MIPEP: variants seen among roughly 807,000 people sequenced by gnomAD.
The protein encoded by MIPEP is mitochondrial intermediate peptidase.
Under a neutral mutation model 90.3 loss-of-function variants are expected in MIPEP, and 79 were observed. The observed-to-expected ratio is 0.87, with a 90% CI of 0.73 to 1.05. The LOEUF (loss-of-function observed/expected upper bound fraction) is 1.05, where lower values mean the gene tolerates loss of function less well. Among genes scored for constraint, MIPEP ranks in the 50% least tolerant of loss-of-function variants. The pLI is 0.00. For missense variants in MIPEP, 940 were observed against 905.6 expected (o/e 1.04, Z -0.49); for synonymous variants, 334 against 315.8 (o/e 1.06, Z -0.61).
intron 16 of MIPEP, among the ~76,000 whole-genome samples, chr13:23,795,746 T>C (rs1330477751): frequency 1.3e-5 from 2 of 151,754 alleles, no homozygotes; most frequent in Admixed American, 1.3e-4. Flanking sequence ...ACAAAAACAT[T>C]TGAGAAGCTG....
chr13:23,789,421 A>G (rs1952879120), intron 16 of MIPEP, among the ~76,000 whole-genome samples: 2 of 152,174 alleles, frequency 1.3e-5, no homozygotes, highest in South Asian at 4.1e-4. Context: ...AATTTACTTC[A>G]TGACAGTAAA....
intron 16 of MIPEP, among the ~76,000 whole-genome samples, chr13:23,761,469 G>C (rs75350792): frequency 2.5e-4 from 38 of 152,304 alleles, no homozygotes; most frequent in Middle Eastern, 3.4e-3. Flanking sequence ...CACAGAGAGA[G>C]AGCATCCATT....
intron 16 of MIPEP, 187 bp from the exon 17 acceptor site, chr13:23,760,404 G>A (rs1952529389): frequency 1.2e-6 from 1 of 802,974 alleles, no homozygotes; most frequent in Non-Finnish European, 2.2e-6. Flanking sequence ...GCTGAACTGT[G>A]TCTCCTGAAA....
At chr13:23,748,887 C>T (rs1952410410) in intron 18 of MIPEP, among the ~76,000 whole-genome samples, 1 of 152,186 alleles carries the variant, frequency 6.6e-6, no homozygotes, top group African/African-American at 2.4e-5. Context: ...TAAGGCTTAT[C>T]TTTCCCTTGA....
chr13:23,751,947 C>T (rs986330692), intron 18 of MIPEP, among the ~76,000 whole-genome samples: 1 of 151,348 alleles, frequency 6.6e-6, no homozygotes, highest in African/African-American at 2.4e-5. Context: ...ACTTGGAGAT[C>T]GTTAAGAGAA....
At chr13:23,862,776 A>G (rs1009952119) in intron 8 of MIPEP, among the ~76,000 whole-genome samples, 1 of 152,226 alleles carries the variant, frequency 6.6e-6, no homozygotes, top group Non-Finnish European at 1.5e-5. Flanking sequence ...CCCCTTTGGA[A>G]AAACTCTAGC....
intron 2 of MIPEP, among the ~76,000 whole-genome samples, chr13:23,883,419 C>T (rs1208770944): frequency 6.6e-6 from 1 of 152,142 alleles, no homozygotes; most frequent in East Asian, 1.9e-4. Context: ...CACGCCAAGT[C>T]ACCCCTCAGT....
intron 14 of MIPEP, among the ~76,000 whole-genome samples, chr13:23,834,872 G>T (rs1868959296): frequency 6.6e-6 from 1 of 152,102 alleles, no homozygotes; most frequent in African/African-American, 2.4e-5. Flanking sequence ...GCCTCTCTAT[G>T]TTATTGGCCA....
At chr13:23,873,635 T>TA (rs1870928877) in intron 5 of MIPEP, among the ~76,000 whole-genome samples, 1 of 152,210 alleles carries the variant, frequency 6.6e-6, no homozygotes, top group Non-Finnish European at 1.5e-5. Context: ...TGTTTGGTGA[T>TA]AAGAATCAAG....
intron 16 of MIPEP, among the ~76,000 whole-genome samples, chr13:23,789,540 A>G (rs1952880053): frequency 6.6e-6 from 1 of 152,222 alleles, no homozygotes; most frequent in African/African-American, 2.4e-5. Context: ...CTGGCCCCAT[A>G]GCATTACTCC....
intron 18 of MIPEP, among the ~76,000 whole-genome samples, chr13:23,748,303 G>T (rs372119643): frequency 1.3e-5 from 2 of 148,608 alleles, no homozygotes; most frequent in Non-Finnish European, 3.1e-5. Context: ...ATTGAATGCC[G>T]ATGGGCTGAG....
chr13:23,784,306 C>T (rs568885047), intron 16 of MIPEP, among the ~76,000 whole-genome samples: 2 of 152,220 alleles, frequency 1.3e-5, no homozygotes, highest in Admixed American at 6.5e-5. Context: ...ACCAATGGAA[C>T]AGAACAGAGC....
At chr13:23,833,323 T>C (rs1868859608) in intron 14 of MIPEP, among the ~76,000 whole-genome samples, 1 of 152,238 alleles carries the variant, frequency 6.6e-6, no homozygotes, top group African/African-American at 2.4e-5. Context: ...GCTCAAAGCA[T>C]TTACATGTCT....
intron 14 of MIPEP, among the ~76,000 whole-genome samples, chr13:23,826,427 A>T (rs1829362934): frequency 6.6e-6 from 1 of 152,170 alleles, no homozygotes; most frequent in African/African-American, 2.4e-5. Context: ...ACATGAAGCC[A>T]TAAAATAAAT....
intron 14 of MIPEP, among the ~76,000 whole-genome samples, chr13:23,822,946 C>A (rs1229638626): frequency 2.6e-5 from 4 of 151,600 alleles, no homozygotes; most frequent in Admixed American, 6.6e-5. Flanking sequence ...AGTGCAGTGG[C>A]ATGATCTCGG....
intron 18 of MIPEP, among the ~76,000 whole-genome samples, chr13:23,731,293 A>G (rs1952201733): frequency 6.6e-6 from 1 of 152,324 alleles, no homozygotes. Flanking sequence ...GGAATCCTCT[A>G]TTGTTCTCTG....
In MIPEP at chr13:23,817,684, C is replaced by T. The variant is rs114143742; in HGVS notation, c.1654-7760G>A. Among the ~76,000 whole-genome samples, 1,325 of 152,234 alleles carry T rather than the reference C, an allele frequency of 8.7e-3. 18 individuals are homozygous for T. The highest frequency in any genetic ancestry group is 0.031 in the African/African-American group (1,281 of 41,526). ...AAGGTGGAGTCTGTGAGGCATGCTGCAGGTGTGTAACGTCGGGCTTGTTGA... is the reference window on the plus strand; with the variant it reads ...AAGGTGGAGTCTGTGAGGCATGCTGTAGGTGTGTAACGTCGGGCTTGTTGA... On this transcript the variant is annotated intron_variant, in intron 14 of 18. Transcript: ENST00000382172.
At chr13:23,730,642 A>AT (rs1952194649) in intron 18 of MIPEP, among the ~76,000 whole-genome samples, 197 bp from the exon 19 acceptor site, 1 of 152,156 alleles carries the variant, frequency 6.6e-6, no homozygotes, top group Non-Finnish European at 1.5e-5. Context: ...ATTTTAATGT[A>AT]TTTTTACTAT....
chr13:23,760,182 A>G lies in MIPEP; in HGVS notation c.1884T>C (p.Tyr628=). ...WQLRFSHLVG[Y]GARYYSYLMS... ...TGAGGTAAGAGTAATATCTAGCACC[A>G]TACCCCACGAGGTGGCTGAATCGCA... Residue 628 remains tyrosine (Y), a synonymous_variant, in exon 17 of 19, where the codon TAT becomes TAC. Coordinates refer to ENST00000382172, the MANE Select transcript of MIPEP (RefSeq NM_005932.4). The G allele has an allele frequency of 6.2e-7, 1 of 1,614,108 alleles. No homozygotes were observed. The highest frequency in any genetic ancestry group is 1.7e-5 in the Admixed American group (1 of 60,018).
Sources: gnomAD v4.1 joint callset for allele counts (sites outside exome capture counted in the v4.1 genomes callset) on GRCh38, gnomAD v4.1.1 for gene constraint, MANE v1.5 for transcripts, NCBI Gene and HGNC (gene_info 2026-07-23, HGNC 2026-07-21) for gene names.